The following FAM168A variants were observed in gnomAD, a reference collection of about 807,000 sequenced individuals.
FAM168A encodes protein FAM168A.
In FAM168A, 3 loss-of-function variants were observed where a neutral mutation model predicts 28.5. The observed-to-expected ratio is 0.11, with a 90% CI of 0.05 to 0.27. The LOEUF (loss-of-function observed/expected upper bound fraction) is 0.27. FAM168A is among the 10% of genes least tolerant of loss of function. The pLI is 1.00. For synonymous variants in FAM168A, 122 were observed against 124.2 expected (o/e 0.98, Z 0.12); for missense variants, 222 against 311.5 (o/e 0.71, Z 2.16).
intron 4 of FAM168A, among the ~76,000 whole-genome samples, chr11:73,417,955 C>G (rs1003409025): frequency 2.6e-5 from 4 of 152,172 alleles, no homozygotes; most frequent in African/African-American, 9.7e-5. Context: ...GTGCTGCTTA[C>G]TAGCTGGGTG....
At chr11:73,522,840 C>G (rs1411677962) in intron 1 of FAM168A, among the ~76,000 whole-genome samples, 1 of 151,720 alleles carries the variant, frequency 6.6e-6, no homozygotes, top group African/African-American at 2.4e-5. Context: ...TGGAGAAACC[C>G]AGTCTCTACT....
At chr11:73,479,792 T>C (rs1323561697) in intron 1 of FAM168A, among the ~76,000 whole-genome samples, 1 of 152,180 alleles carries the variant, frequency 6.6e-6, no homozygotes, top group Non-Finnish European at 1.5e-5. Flanking sequence ...GAAAAGGGCC[T>C]GATATTAAAG....
chr11:73,436,720 G>C (rs907060952), intron 2 of FAM168A, among the ~76,000 whole-genome samples: 2 of 152,170 alleles, frequency 1.3e-5, no homozygotes, highest in African/African-American at 4.8e-5. Flanking sequence ...GAGCTAATAA[G>C]TAGAGAGTGG....
At chr11:73,574,266 A>T (rs1216085436) in intron 1 of FAM168A, among the ~76,000 whole-genome samples, 1 of 152,202 alleles carries the variant, frequency 6.6e-6, no homozygotes, top group African/African-American at 2.4e-5. Flanking sequence ...AACAGATGGG[A>T]AAGTTGGCTA....
At chr11:73,568,203 G>A (rs1944044459) in intron 1 of FAM168A, among the ~76,000 whole-genome samples, 1 of 152,168 alleles carries the variant, frequency 6.6e-6, no homozygotes, top group Non-Finnish European at 1.5e-5. Flanking sequence ...AAGCAACAAA[G>A]CAGGCCCAGG....
At chr11:73,555,215 CA>C (rs1943875794) in intron 1 of FAM168A, among the ~76,000 whole-genome samples, 2 of 152,122 alleles carry the variant, frequency 1.3e-5, no homozygotes, top group South Asian at 4.1e-4. Flanking sequence ...CAAAAGTCAT[CA>C]GGGGCCTGTC....
At chr11:73,468,655 T>C (rs776552847) in intron 1 of FAM168A, among the ~76,000 whole-genome samples, 163 bp from the exon 2 acceptor site, 2 of 152,220 alleles carry the variant, frequency 1.3e-5, no homozygotes, top group Non-Finnish European at 2.9e-5. Flanking sequence ...GGCCCTATGT[T>C]AAATACTTTC....
At chr11:73,541,172 T>A (rs1943652121) in intron 1 of FAM168A, among the ~76,000 whole-genome samples, 1 of 151,790 alleles carries the variant, frequency 6.6e-6, no homozygotes, top group Non-Finnish European at 1.5e-5. Context: ...ATTACCGCAC[T>A]CCAGCCTGGG....
chr11:73,427,319 A>T (rs1300322402), intron 3 of FAM168A, among the ~76,000 whole-genome samples: 2 of 152,128 alleles, frequency 1.3e-5, no homozygotes, highest in Non-Finnish European at 2.9e-5. Flanking sequence ...TAAAAACAAA[A>T]TTGGGGAAAA....
intron 1 of FAM168A, among the ~76,000 whole-genome samples, chr11:73,549,333 T>C (rs1441076110): frequency 2.0e-5 from 3 of 152,368 alleles, no homozygotes; most frequent in African/African-American, 7.2e-5. Flanking sequence ...CCTCTAGATC[T>C]GTGCTTCCAA....
intron 3 of FAM168A, among the ~76,000 whole-genome samples, chr11:73,427,702 A>T (rs1167552107): frequency 6.6e-6 from 1 of 152,358 alleles, no homozygotes; most frequent in South Asian, 2.1e-4. Flanking sequence ...ATAGTTCCTG[A>T]CACATAGAAA....
intron 2 of FAM168A, among the ~76,000 whole-genome samples, chr11:73,453,728 T>C (rs371317967): frequency 7.2e-5 from 11 of 152,196 alleles, no homozygotes; most frequent in African/African-American, 2.7e-4. Flanking sequence ...GACTCGGGTC[T>C]TCAGACTTCA....
At chr11:73,407,736 C>T (rs1866533616) in intron 6 of FAM168A, 93 bp from the exon 7 acceptor site, 8 of 1,034,194 alleles carry the variant, frequency 7.7e-6, no homozygotes, top group African/African-American at 3.3e-5. Context: ...ATGGCTGCTC[C>T]CTCTGCCCAA....
Position 73,509,125 on chromosome 11 carries a change from G to A in FAM168A, c.-18-40633C>T, listed in dbSNP as rs148677869. The stretch of plus-strand genomic sequence containing the variant: ...ATGTCTTTATTGGCAGTGTGAGAAC[G>A]AGCTAATACACCAGTACAGCATCAT... On this transcript the variant is annotated intron_variant, in intron 1 of 7. Coordinates refer to ENST00000356467, the MANE Select transcript of FAM168A (RefSeq NM_015159.3). 3.4e-4 allele frequency among the ~76,000 whole-genome samples: 52 copies of A among 152,242 alleles called. No individual in the cohort carries two copies. The East Asian group carries it at 5.8e-3, about 17-fold the overall frequency.
chr11:73,454,476 G>C (rs1443665865), intron 2 of FAM168A, among the ~76,000 whole-genome samples: 1 of 152,150 alleles, frequency 6.6e-6, no homozygotes, highest in Admixed American at 6.5e-5. Flanking sequence ...TGCCTTCTCA[G>C]AAGGCTTTCC....
chr11:73,548,039 C>T (rs1224360659), intron 1 of FAM168A, among the ~76,000 whole-genome samples: 1 of 152,096 alleles, frequency 6.6e-6, no homozygotes, highest in East Asian at 1.9e-4. Flanking sequence ...TAGTCAAACT[C>T]ACAGAAACAA....
intron 2 of FAM168A, among the ~76,000 whole-genome samples, chr11:73,460,222 T>C (rs1394989748): frequency 6.6e-6 from 1 of 151,912 alleles, no homozygotes; most frequent in Non-Finnish European, 1.5e-5. Flanking sequence ...GAAAAAAATC[T>C]CTCCCGCACT....
chr11:73,407,788 C>T (rs1423038368), intron 6 of FAM168A, 145 bp from the exon 7 acceptor site: 2 of 658,034 alleles, frequency 3.0e-6, no homozygotes, highest in East Asian at 6.3e-5. Flanking sequence ...TGTTTTCTGC[C>T]CTTCTCCACC....
intron 1 of FAM168A, among the ~76,000 whole-genome samples, chr11:73,471,887 G>A (rs1026627241): frequency 1.3e-5 from 2 of 152,104 alleles, no homozygotes; most frequent in African/African-American, 4.8e-5. Context: ...CAAGCCTGGG[G>A]CCATGGACCA....
Sources: allele counts gnomAD v4.1 joint callset (sites outside exome capture counted in the v4.1 genomes callset), GRCh38; gene constraint gnomAD v4.1.1; transcripts MANE v1.5; gene names NCBI Gene and HGNC (gene_info 2026-07-23, HGNC 2026-07-21).